WNK2: variants seen among roughly 807,000 people sequenced by gnomAD.
The protein encoded by WNK2 is serine/threonine-protein kinase WNK2.
WNK2 carries 67 observed loss-of-function variants against 192.1 expected under a neutral mutation model. That is an observed-to-expected ratio of 0.35 (90% CI 0.29 to 0.43). WNK2 has a LOEUF of 0.43. Ranked by LOEUF, WNK2 falls within the 20% of genes least tolerant of loss-of-function variation. The probability of loss-of-function intolerance (pLI) is 1.00; values close to 1 mark genes in which losing one functional copy is unlikely to be tolerated. For synonymous variants in WNK2, 1,439 were observed against 1,393.9 expected (o/e 1.03, Z -0.72); for missense variants, 2,698 against 3,089.7 (o/e 0.87, Z 3.01).
At chr9:93,197,244 A>G (rs1048759752) in intron 2 of WNK2, among the ~76,000 whole-genome samples, 1 of 151,218 alleles carries the variant, frequency 6.6e-6, no homozygotes, top group South Asian at 2.1e-4. Context: ...GTCTCTTGAT[A>G]GGAACGAGGA....
intron 26 of WNK2, among the ~76,000 whole-genome samples, chr9:93,304,862 G>A (rs964761609): frequency 1.1e-4 from 16 of 152,216 alleles, no homozygotes; most frequent in African/African-American, 3.6e-4. Context: ...TTGTCTGGAG[G>A]TCTAGGAGCC....
intron 27 of WNK2, 26 bp from the exon 28 acceptor site, chr9:93,308,302 A>C (rs774297604): frequency 6.5e-7 from 1 of 1,548,202 alleles, no homozygotes; most frequent in Non-Finnish European, 8.7e-7. Flanking sequence ...GGCGTCACCA[A>C]TCCTGGCCTG....
In WNK2 at chr9:93,185,380, G is replaced by A; in HGVS notation, c.451G>A (p.Val151Met). Residue 151 changes from valine (V) to methionine (M), a missense_variant, in exon 2 of 30, where the codon GTG becomes ATG. Transcript: ENST00000427277. ...CCCCAGGGAGGAGGCGGCGGCGACCGTGAGGAAGGAGGATGAGGGGGCGGC... is the reference window on the plus strand; with the variant it reads ...CCCCAGGGAGGAGGCGGCGGCGACCATGAGGAAGGAGGATGAGGGGGCGGC... ...GGPREEAAAT[V>M]RKEDEGAAEA... The A allele has an allele frequency of 6.3e-7, 1 of 1,591,312 alleles. No homozygotes were observed. The highest frequency in any genetic ancestry group is 8.5e-7 in the Non-Finnish European group (1 of 1,170,448).
intron 19 of WNK2, among the ~76,000 whole-genome samples, chr9:93,277,294 G>A (rs1302540322): frequency 6.6e-6 from 1 of 152,164 alleles, no homozygotes; most frequent in African/African-American, 2.4e-5. Context: ...TAGCCATTCT[G>A]GAAGACAGTG....
chr9:93,292,421 G>T (rs1295186556), intron 22 of WNK2, 25 bp downstream of exon 22: 2 of 1,613,900 alleles, frequency 1.2e-6, no homozygotes, highest in Non-Finnish European at 1.7e-6. Context: ...ACGACCCCCT[G>T]GCTGGTTGGC....
intron 1 of WNK2, among the ~76,000 whole-genome samples, 125 bp downstream of exon 1, chr9:93,184,510 G>A (rs1297893098): frequency 6.6e-6 from 1 of 152,062 alleles, no homozygotes; most frequent in Admixed American, 6.5e-5. Context: ...CCGCCGCCGG[G>A]CCACTGCCTT....
chr9:93,285,908 G>T (rs1283039800), intron 19 of WNK2, among the ~76,000 whole-genome samples: 3 of 152,178 alleles, frequency 2.0e-5, no homozygotes, highest in Non-Finnish European at 2.9e-5. Flanking sequence ...GACAAGAAAG[G>T]TCCGATTGTC....
In WNK2 at chr9:93,185,417, C is replaced by G. The variant is rs1394256702; in HGVS notation, c.488C>G (p.Pro163Arg). 1.2e-6 allele frequency: 2 copies of G among 1,609,272 alleles called. No individual in the cohort carries two copies. The highest frequency in any genetic ancestry group is 1.3e-5 in the African/African-American group (1 of 74,706). ...KEDEGAAEAK[P>R]EPGRTRRDEP... ...GATGAGGGGGCGGCCGAGGCGAAGC[C>G]TGAGCCCGGGCGCACTCGCCGGGAC... The change falls in exon 2 of 30, where the codon CCT (proline) becomes CGT (arginine). Residue 163 changes from proline (P) to arginine (R), a missense_variant. Physicochemically the swap from Pro to Arg is moderately radical, Grantham distance 103. Coordinates refer to ENST00000427277, the MANE Select transcript of WNK2 (RefSeq NM_006648.4).
chr9:93,219,671 C>T (rs1468285685), intron 2 of WNK2, among the ~76,000 whole-genome samples: 2 of 152,330 alleles, frequency 1.3e-5, no homozygotes, highest in Non-Finnish European at 1.5e-5. Context: ...TGGGGTCGCT[C>T]AGGTGGAAGA....
intron 26 of WNK2, among the ~76,000 whole-genome samples, chr9:93,305,853 A>T (rs1245270972): frequency 1.3e-5 from 2 of 152,074 alleles, no homozygotes; most frequent in Non-Finnish European, 2.9e-5. Flanking sequence ...GCTGGAGTGT[A>T]GACAGAGCCT....
chr9:93,316,518 T>C (rs190388981), intron 28 of WNK2: 126 of 152,388 alleles, frequency 8.3e-4, no homozygotes, highest in Middle Eastern at 3.4e-3. Flanking sequence ...AATGCTATTA[T>C]AAATGTTATT....
chr9:93,292,854 A>C lies in WNK2; in HGVS notation c.5389A>C (p.Ile1797Leu), dbSNP rs898456023. 1.3e-6 allele frequency: 2 copies of C among 1,493,804 alleles called. No homozygotes were observed. Among genetic ancestry groups the C allele is most frequent in the South Asian group, 2.6e-5 (2 of 76,290 alleles). The allele number at this position is 1,493,804 out of a possible 1,614,324, so 92.5% of individuals were successfully genotyped here. A position where few individuals can be genotyped will look rare whatever the true frequency, so the allele number is the denominator to read the frequency against. Residue 1797 changes from isoleucine (I) to leucine (L), a missense_variant, in exon 23 of 30, where the codon ATC (isoleucine) becomes CTC (leucine). By Grantham distance (5) the Ile-to-Leu change is conservative. Transcript: ENST00000427277. ...AVRRAQTASS[I>L]EVGVGEPVSS... Reference sequence around the variant, plus strand: ...GCGGCGGGCGCAGACGGCCTCCTCCATCGAGGTCGGCGTGGGCGAGCCCGT... The same window carrying C: ...GCGGCGGGCGCAGACGGCCTCCTCCCTCGAGGTCGGCGTGGGCGAGCCCGT...
intron 21 of WNK2, among the ~76,000 whole-genome samples, 191 bp downstream of exon 21, chr9:93,290,238 T>G (rs1166284357): frequency 1.3e-5 from 2 of 152,116 alleles, no homozygotes; most frequent in Non-Finnish European, 2.9e-5. Flanking sequence ...TGTCATGATT[T>G]AATTCAAGCT....
At position 93,317,780 on chromosome 9, in the gene WNK2, G is replaced by A. The variant is rs749936871; in HGVS notation, c.6628+149G>A. The A allele has an allele frequency of 8.2e-6, 12 of 1,469,362 alleles. No individual in the cohort carries two copies. The African/African-American group carries it at 1.1e-4, about 14-fold the overall frequency. 91.0% of individuals were successfully genotyped at this position (1,469,362 alleles called of 1,614,324 possible). ...AGGGCAGCTGGAACACCCCCCAGGT[G>A]CCCGTGCTGCCAGTCTTCTTGCAGC... On this transcript the variant is annotated intron_variant, in intron 29 of 29. Transcript: ENST00000427277.
intron 2 of WNK2, among the ~76,000 whole-genome samples, chr9:93,193,413 C>G (rs906319325): frequency 6.6e-6 from 1 of 152,190 alleles, no homozygotes; most frequent in Non-Finnish European, 1.5e-5. Flanking sequence ...CCGTCTTGCT[C>G]CCCCTGCAAA....
chr9:93,186,339 C>T (rs1291977746), intron 2 of WNK2, among the ~76,000 whole-genome samples: 1 of 152,190 alleles, frequency 6.6e-6, no homozygotes, highest in South Asian at 2.1e-4. Context: ...TCTGGGCATG[C>T]ATTTTTCATA....
chr9:93,263,874 G>A (rs369413254), intron 15 of WNK2, 43 bp from the exon 16 acceptor site: 17,017 of 1,509,394 alleles, frequency 0.011, 164 homozygotes, highest in South Asian at 0.024. Flanking sequence ...GCGGGTGCAC[G>A]TGTGGGTACG....
chr9:93,293,284 C>A, intron 23 of WNK2, 111 bp downstream of exon 23: 10 of 984,008 alleles, frequency 1.0e-5, no homozygotes, highest in Non-Finnish European at 1.2e-5. Flanking sequence ...GCAGCGCCCA[C>A]TTGGAGCTGC....
rs758288774 is a variant in WNK2, at chr9:93,306,910, G to A, written c.6259+89G>A. 269 of 1,548,040 alleles carry A rather than the reference G, an allele frequency of 1.7e-4. 1 individual carries two copies. Among genetic ancestry groups the A allele is most frequent in the South Asian group, 8.7e-4 (78 of 89,700 alleles). ...CACATCAGGGTTCCCGCGGCCGGGC[G>A]GGCGTGGGCCTGCCCTGTGCCTGCC... On this transcript the variant is annotated intron_variant, in intron 27 of 29. Coordinates refer to ENST00000427277, the MANE Select transcript of WNK2 (RefSeq NM_006648.4).
Sources: allele counts gnomAD v4.1 joint callset (sites outside exome capture counted in the v4.1 genomes callset), GRCh38; gene constraint gnomAD v4.1.1; transcripts MANE v1.5; gene names NCBI Gene and HGNC (gene_info 2026-07-23, HGNC 2026-07-21).